KATNIP: variants seen among roughly 807,000 people sequenced by gnomAD.
KATNIP encodes katanin-interacting protein.
In KATNIP, 126 loss-of-function variants were observed where a neutral mutation model predicts 174.0. That is an observed-to-expected ratio of 0.72 (90% CI 0.63 to 0.84). The LOEUF is 0.84. Among genes scored for constraint, KATNIP ranks in the 40% least tolerant of loss-of-function variants. The probability of loss-of-function intolerance (pLI) is 0.00; values close to 1 mark genes in which losing one functional copy is unlikely to be tolerated. For synonymous variants in KATNIP, 810 were observed against 835.7 expected (o/e 0.97, Z 0.53); for missense variants, 1,958 against 2,109.7 (o/e 0.93, Z 1.41).
At chr16:27,720,159 C>T (rs1034041504) in intron 13 of KATNIP, among the ~76,000 whole-genome samples, 4 of 152,170 alleles carry the variant, frequency 2.6e-5, no homozygotes, top group African/African-American at 9.7e-5. Flanking sequence ...GGCACGATCT[C>T]AGCCCACTGC....
chr16:27,612,567 T>C (rs1401632460), intron 2 of KATNIP, among the ~76,000 whole-genome samples: 1 of 151,848 alleles, frequency 6.6e-6, no homozygotes, highest in Admixed American at 6.6e-5. Context: ...GAGACCAGCC[T>C]GGCCAACATG....
At chr16:27,754,321 C>T in intron 18 of KATNIP, 70 bp downstream of exon 18, 1 of 1,332,236 alleles carries the variant, frequency 7.5e-7, no homozygotes, top group Non-Finnish European at 1.1e-6. Flanking sequence ...GTTGTGGCCA[C>T]TTGGGACAGG....
At chr16:27,652,533 T>A (rs1472575035) in intron 6 of KATNIP, among the ~76,000 whole-genome samples, 1 of 152,140 alleles carries the variant, frequency 6.6e-6, no homozygotes, top group Non-Finnish European at 1.5e-5. Context: ...AGTGGTATTG[T>A]CTCTTGCTGG....
chr16:27,656,445 G>GA (rs938795768), intron 6 of KATNIP, among the ~76,000 whole-genome samples: 1 of 139,028 alleles, frequency 7.2e-6, no homozygotes, highest in Non-Finnish European at 1.6e-5. Flanking sequence ...AAAAAAGGAA[G>GA]AAAAAAAAGT....
At chr16:27,770,085 C>T in intron 21 of KATNIP, 67 bp downstream of exon 21, 1 of 1,530,458 alleles carries the variant, frequency 6.5e-7, no homozygotes, top group Non-Finnish European at 9.0e-7. Context: ...TTGCAAGTTG[C>T]TCTGATGTAC....
chr16:27,745,010 A>G (rs1334094214), intron 15 of KATNIP, among the ~76,000 whole-genome samples: 1 of 152,230 alleles, frequency 6.6e-6, no homozygotes, highest in Non-Finnish European at 1.5e-5. Flanking sequence ...AAGACAGAGC[A>G]GGATCCGATC....
At chr16:27,687,222 G>T (rs2078556874) in intron 8 of KATNIP, 1 of 152,044 alleles carries the variant, frequency 6.6e-6, no homozygotes, top group Admixed American at 6.6e-5. Flanking sequence ...CTACATCTCT[G>T]AGTTTCTTTC....
intron 6 of KATNIP, chr16:27,669,341 G>T: frequency 1.0e-6 from 1 of 982,406 alleles, no homozygotes; most frequent in South Asian, 4.7e-5. Context: ...AGACCCATTT[G>T]TGTGCAGTCC....
intron 5 of KATNIP, among the ~76,000 whole-genome samples, chr16:27,641,716 C>T (rs1354670026): frequency 6.6e-6 from 1 of 152,222 alleles, no homozygotes; most frequent in Non-Finnish European, 1.5e-5. Context: ...GGATACTGCT[C>T]AGGTTTACAT....
rs779880770 is a variant in KATNIP, at chr16:27,708,798, C to T, written c.1483C>T (p.Leu495Phe). 1 of 1,613,876 alleles carries T rather than the reference C, an allele frequency of 6.2e-7. No homozygotes were observed. Among genetic ancestry groups the T allele is most frequent in the African/African-American group, 1.3e-5 (1 of 74,956 alleles). The change falls in exon 13 of 28, where the codon CTC (leucine) becomes TTC (phenylalanine). Residue 495 changes from leucine (L) to phenylalanine (F), a missense_variant. Leu to Phe is a conservative substitution (Grantham distance 22, BLOSUM62 0). Coordinates refer to ENST00000261588, the MANE Select transcript of KATNIP (RefSeq NM_015202.5). Reference protein sequence around the residue: ...SNWGNSWWVGLTEVEFFDLND... With the variant: ...SNWGNSWWVGFTEVEFFDLND... ...CTGGGGCAACTCGTGGTGGGTGGGTCTCACAGAAGTCGAGTTCTTTGACTT... is the reference window on the plus strand; with the variant it reads ...CTGGGGCAACTCGTGGTGGGTGGGTTTCACAGAAGTCGAGTTCTTTGACTT...
intron 13 of KATNIP, among the ~76,000 whole-genome samples, chr16:27,711,200 C>T (rs1597249336): frequency 6.6e-6 from 1 of 152,130 alleles, no homozygotes; most frequent in East Asian, 1.9e-4. Context: ...ATGCTGGCCA[C>T]CACGGGTGTG....
chr16:27,673,405 T>C lies in KATNIP; in HGVS notation c.541-4324T>C, dbSNP rs576486087. Among the ~76,000 whole-genome samples the C allele has an allele frequency of 3.9e-5, 6 of 152,336 alleles. No homozygotes were observed. In the South Asian group the frequency reaches 1.2e-3, roughly 32 times the overall value. ...TGTTGCCCCTCCAACTGCCCACCAC[T>C]GTCAGACTTTGAAGACATAAGCCAT... On this transcript the variant is annotated intron_variant, in intron 6 of 27. Transcript: ENST00000261588.
intron 6 of KATNIP, among the ~76,000 whole-genome samples, chr16:27,668,412 A>G (rs1468291289): frequency 3.9e-5 from 6 of 152,162 alleles, no homozygotes; most frequent in Admixed American, 2.6e-4. Flanking sequence ...TCCCTGCCCA[A>G]GTTCTCTCTC....
In KATNIP at chr16:27,573,893, T is replaced by A; in HGVS notation, c.8-8T>A. The A allele has an allele frequency of 6.2e-7, 1 of 1,614,106 alleles. No homozygotes were observed. The highest frequency in any genetic ancestry group is 1.3e-5 in the African/African-American group (1 of 75,038). ...CTTAATCTTGGTTCTGCTTTTGAACTGCGACAGGTCAGACTCTGCGAAAGG... is the reference window on the plus strand; with the variant it reads ...CTTAATCTTGGTTCTGCTTTTGAACAGCGACAGGTCAGACTCTGCGAAAGG... On this transcript the variant is annotated splice_polypyrimidine_tract_variant and splice_region_variant and intron_variant, in intron 1 of 27. Coordinates refer to ENST00000261588, the MANE Select transcript of KATNIP (RefSeq NM_015202.5).
chr16:27,678,151 G>A (rs987429878), intron 7 of KATNIP, among the ~76,000 whole-genome samples, 155 bp downstream of exon 7: 2 of 152,190 alleles, frequency 1.3e-5, no homozygotes, highest in South Asian at 2.1e-4. Flanking sequence ...ATTGCAAGAC[G>A]CAGAGCTTCC....
chr16:27,733,564 GACACACACACACACACAC>G (rs10558929), intron 14 of KATNIP, among the ~76,000 whole-genome samples: 5 of 143,382 alleles, frequency 3.5e-5, no homozygotes, highest in Non-Finnish European at 6.1e-5. Flanking sequence ...AAACAAGAAG[GACACACACACACACACAC>G]ACACACACAC....
At chr16:27,691,195 G>A (rs573629708) in intron 8 of KATNIP, among the ~76,000 whole-genome samples, 1 of 152,168 alleles carries the variant, frequency 6.6e-6, no homozygotes, top group African/African-American at 2.4e-5. Context: ...CTGGTGGCTG[G>A]TGAGCCGACC....
At chr16:27,671,924 C>T (rs560579936) in intron 6 of KATNIP, among the ~76,000 whole-genome samples, 2 of 152,164 alleles carry the variant, frequency 1.3e-5, no homozygotes, top group East Asian at 1.9e-4. Context: ...GGTGTGGTGG[C>T]GGGCGCCTGT....
intron 7 of KATNIP, chr16:27,681,189 C>A: frequency 1.7e-6 from 1 of 591,794 alleles, no homozygotes; most frequent in Non-Finnish European, 3.0e-6. Context: ...CTTTTATGTA[C>A]TTACCAAAAT....
Sources: allele counts gnomAD v4.1 joint callset (sites outside exome capture counted in the v4.1 genomes callset), GRCh38; gene constraint gnomAD v4.1.1; transcripts MANE v1.5; gene names NCBI Gene and HGNC (gene_info 2026-07-23, HGNC 2026-07-21).